EXD1: variants seen among roughly 807,000 people sequenced by gnomAD.
The protein encoded by EXD1 is piRNA biogenesis protein EXD1.
Under a neutral mutation model 49.1 loss-of-function variants are expected in EXD1, and 63 were observed. The observed-to-expected ratio is 1.28, with a 90% confidence interval of 1.05 to 1.58. The LOEUF (loss-of-function observed/expected upper bound fraction) is 1.58. EXD1 is among the 40% of genes most tolerant of loss of function. The pLI, the probability that EXD1 is intolerant of heterozygous loss-of-function variation, is 0.00. For missense variants in EXD1, 748 were observed against 666.0 expected (o/e 1.12, Z -1.36); for synonymous variants, 234 against 239.2 (o/e 0.98, Z 0.20).
intron 3 of EXD1, among the ~76,000 whole-genome samples, chr15:41,218,236 G>A (rs1228426704): frequency 1.3e-5 from 2 of 152,128 alleles, no homozygotes; most frequent in African/African-American, 4.8e-5. Context: ...TGTAATCCCA[G>A]CACTTTGGGA....
chr15:41,208,010 C>CAA (rs10707284), intron 7 of EXD1, among the ~76,000 whole-genome samples: 3 of 106,402 alleles, frequency 2.8e-5, no homozygotes, highest in Non-Finnish European at 4.1e-5. Flanking sequence ...GACCCTGCCT[C>CAA]AAAAAAAAAA....
chr15:41,205,506 A>G (rs1489298620), intron 7 of EXD1, among the ~76,000 whole-genome samples: 1 of 152,198 alleles, frequency 6.6e-6, no homozygotes, highest in Non-Finnish European at 1.5e-5. Context: ...GGTTGGGTGC[A>G]GTGGCTCATG....
chr15:41,215,667 T>C (rs113857856), intron 6 of EXD1, 108 bp downstream of exon 6: 138,998 of 1,146,112 alleles, frequency 0.12, 10,038 homozygotes, highest in South Asian at 0.25. Context: ...ACCTGGGCGA[T>C]AGAGCAAGAC....
chr15:41,187,446 T>C (rs2046429992), intron 11 of EXD1, among the ~76,000 whole-genome samples: 1 of 152,162 alleles, frequency 6.6e-6, no homozygotes, highest in Non-Finnish European at 1.5e-5. Context: ...TTGAGCATTA[T>C]GGGTTTTGGT....
intron 7 of EXD1, among the ~76,000 whole-genome samples, chr15:41,200,993 C>T (rs1353426745): frequency 6.6e-6 from 1 of 151,904 alleles, no homozygotes; most frequent in Non-Finnish European, 1.5e-5. Flanking sequence ...CCTGCCTTAG[C>T]CTCCCAAGTA....
chr15:41,219,714 A>T (rs2047056620), intron 3 of EXD1, 116 bp downstream of exon 3: 1 of 790,528 alleles, frequency 1.3e-6, no homozygotes, highest in Admixed American at 2.6e-5. Context: ...AGTAAGAAGG[A>T]TCAATTCTCA....
intron 7 of EXD1, among the ~76,000 whole-genome samples, chr15:41,196,852 G>A (rs1298575643): frequency 1.3e-5 from 2 of 151,886 alleles, no homozygotes; most frequent in Admixed American, 1.3e-4. Flanking sequence ...TTGAGACAGG[G>A]CCTTGCTCTG....
At chr15:41,222,934 CAAAAAAAAAA>C (rs562493256) in intron 2 of EXD1, among the ~76,000 whole-genome samples, 7 of 100,194 alleles carry the variant, frequency 7.0e-5, no homozygotes, top group South Asian at 3.1e-4. Flanking sequence ...GACTCTGTCT[CAAAAAAAAAA>C]AAAAAAAAAA....
At chr15:41,229,691 C>A (rs2047209541) in intron 1 of EXD1, among the ~76,000 whole-genome samples, 1 of 152,140 alleles carries the variant, frequency 6.6e-6, no homozygotes, top group African/African-American at 2.4e-5. Flanking sequence ...TCGCTTGAAC[C>A]CGGGAGGCGG....
chr15:41,185,820 A>G (rs2046398791), intron 11 of EXD1, among the ~76,000 whole-genome samples: 1 of 152,050 alleles, frequency 6.6e-6, no homozygotes, highest in Non-Finnish European at 1.5e-5. Flanking sequence ...CACACCCGGC[A>G]TCCGATTATA....
intron 6 of EXD1, among the ~76,000 whole-genome samples, chr15:41,212,387 A>G (rs548177539): frequency 6.2e-4 from 94 of 151,656 alleles, no homozygotes; most frequent in African/African-American, 2.2e-3. Flanking sequence ...CCCGGGAGGC[A>G]GAGCTTGCAG....
In EXD1 at chr15:41,184,565, A is replaced by C. The variant is rs1451247439; in HGVS notation, c.1085T>G (p.Leu362Arg). The change falls in exon 12 of 12, where the codon CTG becomes CGG. Residue 362 changes from leucine to arginine, a missense_variant. Physicochemically the swap from Leu to Arg is moderately radical, Grantham distance 102. Coordinates refer to ENST00000458580, the MANE Select transcript of EXD1 (RefSeq NM_001286441.2). The part of the protein sequence containing the change: ...EPTCMELPEE[L>R]LQLKDFQKQR... ...CTTCTGGAAGTCCTTGAGTTGAAGC[A>C]GTTCCTCTGGCAGCTCCATACATGT... 3 of 1,602,530 alleles carry C rather than the reference A, an allele frequency of 1.9e-6. No homozygotes were observed.
chr15:41,225,483 G>C (rs56082289), intron 2 of EXD1, among the ~76,000 whole-genome samples: 44,138 of 151,744 alleles, frequency 0.29, 9,000 homozygotes, highest in African/African-American at 0.57. Context: ...TACTTGGGAG[G>C]CTGAGGCAGG....
chr15:41,196,092 G>A, intron 7 of EXD1, 55 bp from the exon 8 acceptor site: 4 of 1,269,246 alleles, frequency 3.2e-6, no homozygotes, highest in Non-Finnish European at 3.3e-6. Flanking sequence ...ACTGAGGAAG[G>A]GAAATTTGAG....
chr15:41,206,618 CTTTTTTTTTTTTT>C (rs764744329), intron 7 of EXD1, among the ~76,000 whole-genome samples: 9 of 101,192 alleles, frequency 8.9e-5, no homozygotes, highest in Admixed American at 7.9e-4. Context: ...TTATTCAATT[CTTTTTTTTTTTTT>C]TTTTTTTTGA....
At chr15:41,205,387 G>A (rs61592157) in intron 7 of EXD1, among the ~76,000 whole-genome samples, 18,723 of 152,206 alleles carry the variant, frequency 0.12, 1,348 homozygotes, top group South Asian at 0.27. Flanking sequence ...TCACATGCAT[G>A]AGAAACCATG....
intron 6 of EXD1, among the ~76,000 whole-genome samples, chr15:41,213,410 G>A (rs140359519): frequency 9.5e-4 from 144 of 151,920 alleles, no homozygotes; most frequent in African/African-American, 2.9e-3. Flanking sequence ...CATGTTGGTC[G>A]GGCTGGTCTC....
chr15:41,199,897 A>T (rs113966143), intron 7 of EXD1, among the ~76,000 whole-genome samples: 6 of 144,718 alleles, frequency 4.1e-5, no homozygotes. Flanking sequence ...TGATATATAT[A>T]ATATATATAC....
At chr15:41,184,916 A>C (rs968749354) in intron 11 of EXD1, among the ~76,000 whole-genome samples, 3 of 152,150 alleles carry the variant, frequency 2.0e-5, no homozygotes, top group African/African-American at 4.8e-5. Context: ...TCGGCCTCCC[A>C]AAGTGCTGGG....
Sources: gnomAD v4.1 joint callset for allele counts (sites outside exome capture counted in the v4.1 genomes callset) on GRCh38, gnomAD v4.1.1 for gene constraint, MANE v1.5 for transcripts, NCBI Gene and HGNC (gene_info 2026-07-23, HGNC 2026-07-21) for gene names.